Variants in APLP2 observed in about 807,000 individuals in gnomAD.
The protein encoded by APLP2 is amyloid beta precursor like protein 2.
A neutral mutation model predicts 89.9 loss-of-function variants in APLP2; 53 were observed. The observed-to-expected ratio is 0.59, with a 90% CI of 0.47 to 0.74. The LOEUF is 0.74. Ranked by LOEUF, APLP2 falls within the 30% of genes least tolerant of loss-of-function variation. The probability of loss-of-function intolerance (pLI) is 0.00; values close to 1 mark genes in which losing one functional copy is unlikely to be tolerated. For synonymous variants in APLP2, 372 were observed against 348.6 expected, an observed-to-expected ratio of 1.07 and a Z score of -0.75; for missense variants, 973 against 975.9, an observed-to-expected ratio of 1.00 and a Z score of 0.04.
chr11:130,127,100 A>T (rs1238800586), intron 8 of APLP2, among the ~76,000 whole-genome samples: 4 of 151,030 alleles, frequency 2.6e-5, no homozygotes, highest in East Asian at 3.9e-4. Flanking sequence ...CTTGCTTTAA[A>T]ATTTCTTTAT....
chr11:130,121,872 C>CGGCT (rs1949865905), intron 5 of APLP2, 62 bp downstream of exon 5: 1 of 1,565,820 alleles, frequency 6.4e-7, no homozygotes, highest in African/African-American at 1.3e-5. Context: ...TCTGTAAAGA[C>CGGCT]GGCTGTTGGC....
chr11:130,070,611 G>C, intron 1 of APLP2: 6 of 1,417,870 alleles, frequency 4.2e-6, no homozygotes, highest in Non-Finnish European at 5.5e-6. Flanking sequence ...CGCGCGGCAG[G>C]GATGCTGCGA....
intron 1 of APLP2, among the ~76,000 whole-genome samples, chr11:130,082,190 T>G (rs1943265326): frequency 6.6e-6 from 1 of 151,048 alleles, no homozygotes; most frequent in Non-Finnish European, 1.5e-5. Flanking sequence ...TTTTTTTTTT[T>G]GTTTGTTTCT....
chr11:130,077,341 C>T (rs962187585), intron 1 of APLP2, among the ~76,000 whole-genome samples: 3 of 152,084 alleles, frequency 2.0e-5, no homozygotes, highest in African/African-American at 7.2e-5. Context: ...GGAGATATTT[C>T]GCCTAGATAA....
At chr11:130,088,751 T>C (rs1476410200) in intron 1 of APLP2, among the ~76,000 whole-genome samples, 1 of 152,030 alleles carries the variant, frequency 6.6e-6, no homozygotes, top group Non-Finnish European at 1.5e-5. Context: ...TTTTTTCTTT[T>C]GATATTTGTT....
In APLP2 at chr11:130,129,194, T is replaced by G; in HGVS notation, c.1443T>G (p.Ser481=). 1.9e-6 allele frequency: 3 copies of G among 1,611,634 alleles called. No homozygotes were observed. Among genetic ancestry groups the G allele is most frequent in the Non-Finnish European group, 2.5e-6 (3 of 1,178,362 alleles). ...AGAACTACCTGGCTGCCTTGCAGTC[T>G]GACCCGCCACGGGTGAGTCCTGCCC... The part of the protein sequence containing the change: ...ALENYLAALQ[S]DPPRPHRILQ... Residue 481 remains serine (S), a synonymous_variant, in exon 10 of 17, where the codon TCT becomes TCG. Coordinates refer to ENST00000338167, the MANE Select transcript of APLP2 (RefSeq NM_001142276.2).
chr11:130,092,236 G>T (rs1277548356), intron 1 of APLP2, among the ~76,000 whole-genome samples: 1 of 140,070 alleles, frequency 7.1e-6, no homozygotes, highest in East Asian at 2.4e-4. Flanking sequence ...TCACTTTCCA[G>T]ACTGGGCAGC....
At chr11:130,094,047 ATTTTTT>A (rs138605738) in intron 1 of APLP2, among the ~76,000 whole-genome samples, 2 of 76,384 alleles carry the variant, frequency 2.6e-5, no homozygotes, top group Non-Finnish European at 2.6e-5. Context: ...TCCCGGCCGT[ATTTTTT>A]TTTTTTTTTT....
chr11:130,133,867 T>A, intron 12 of APLP2, 139 bp downstream of exon 12: 1 of 633,554 alleles, frequency 1.6e-6, no homozygotes, highest in South Asian at 1.9e-5. Flanking sequence ...TTCAGAAGCC[T>A]GGAGTCCACT....
intron 2 of APLP2, 89 bp downstream of exon 2, chr11:130,109,691 C>G: frequency 7.1e-7 from 1 of 1,409,340 alleles, no homozygotes; most frequent in Non-Finnish European, 9.5e-7. Flanking sequence ...CTGTCATTCT[C>G]TTTTGACCTA....
chr11:130,074,479 G>A (rs1941745490), intron 1 of APLP2, among the ~76,000 whole-genome samples: 1 of 152,180 alleles, frequency 6.6e-6, no homozygotes, highest in Admixed American at 6.5e-5. Context: ...CTTCCAAAGT[G>A]CTGGGATTAC....
At position 130,129,335 on chromosome 11, in the gene APLP2, T is replaced by C. The variant is rs188879472; in HGVS notation, c.1455+129T>C. 1.2e-3 allele frequency: 1,343 copies of C among 1,134,928 alleles called. 3 individuals carry two copies. Among genetic ancestry groups the C allele is most frequent in the Middle Eastern group, 2.2e-3 (7 of 3,236 alleles). 70.3% of individuals were successfully genotyped at this position (1,134,928 alleles called of 1,614,324 possible). ...CAAAGCTGAAGCTAAGGAAAGATGA[T>C]GAGGGAGGAAAAGGTATTACATTCT... On this transcript the variant is annotated intron_variant, in intron 10 of 16. Transcript: ENST00000338167.
In APLP2 at chr11:130,122,414, T is replaced by C; in HGVS notation, c.823T>C (p.Tyr275His). 6.2e-7 allele frequency: 1 copy of C among 1,614,154 alleles called. No homozygotes were observed. Among genetic ancestry groups the C allele is most frequent in the Non-Finnish European group, 8.5e-7 (1 of 1,180,014 alleles). ...EEVVEDRDYY[Y>H]DTFKGDDYNE... is the part of the protein sequence containing the mutation. Reference sequence around the variant, plus strand: ...AGTGGTGGAGGACCGAGATTACTACTATGACACCTTCAAAGGAGATGACTA... The same window carrying C: ...AGTGGTGGAGGACCGAGATTACTACCATGACACCTTCAAAGGAGATGACTA... The change falls in exon 6 of 17, where the codon TAT becomes CAT. Residue 275 changes from tyrosine (Y) to histidine (H), a missense_variant. By Grantham distance (83) the Tyr-to-His change is moderately conservative. Coordinates refer to ENST00000338167, the MANE Select transcript of APLP2 (RefSeq NM_001142276.2).
At chr11:130,070,751 C>A (rs1367724506) in intron 1 of APLP2, 3 of 1,428,910 alleles carry the variant, frequency 2.1e-6, no homozygotes, top group Non-Finnish European at 2.8e-6. Context: ...GCTCTGGGTG[C>A]GTTGACCGCT....
chr11:130,137,153 T>G, intron 13 of APLP2: 1 of 1,055,330 alleles, frequency 9.5e-7, no homozygotes, highest in Non-Finnish European at 1.4e-6. Flanking sequence ...TTGTTCACAT[T>G]ATAGAGAAAT....
chr11:130,128,465 AAC>A (rs1358400886), intron 9 of APLP2, among the ~76,000 whole-genome samples: 3 of 152,240 alleles, frequency 2.0e-5, no homozygotes, highest in African/African-American at 7.2e-5. Flanking sequence ...TAGAAAATCT[AAC>A]AGTTTTAATT....
intron 1 of APLP2, among the ~76,000 whole-genome samples, chr11:130,079,104 T>C (rs1942677723): frequency 6.6e-6 from 1 of 151,920 alleles, no homozygotes; most frequent in Non-Finnish European, 1.5e-5. Context: ...TATTTATTTA[T>C]TTATTTATTT....
Position 130,133,651 on chromosome 11 carries a change from T to G in APLP2, c.1607T>G (p.Ile536Ser). 1 of 1,614,076 alleles carries G rather than the reference T, an allele frequency of 6.2e-7. No individual in the cohort carries two copies. The highest frequency in any genetic ancestry group is 8.5e-7 in the Non-Finnish European group (1 of 1,179,934). Residue 536 changes from isoleucine (I) to serine (S), a missense_variant, in exon 12 of 17, where the codon ATT becomes AGT. By Grantham distance (142) the Ile-to-Ser change is moderately radical. Coordinates refer to ENST00000338167, the MANE Select transcript of APLP2 (RefSeq NM_001142276.2). ...KSQVMTHLHV[I>S]EERRNQSLSL... ...CAGGTGATGACACATCTCCACGTGA[T>G]TGAAGAAAGGAGGAACCAAAGCCTC...
Position 130,143,100 on chromosome 11 carries a change from T to C in APLP2, c.2155-247T>C, listed in dbSNP as rs1314261609. 2.0e-5 allele frequency among the ~76,000 whole-genome samples: 3 copies of C among 152,222 alleles called. No homozygotes were observed. The East Asian group carries it at 5.8e-4, about 29-fold the overall frequency. On this transcript the variant is annotated intron_variant, in intron 16 of 16. Transcript: ENST00000338167. Reference sequence around the variant, plus strand: ...GTCACCACGGTGCTAGGAAATCCAGTTGACTGTCATCTTCCGTGAGGGCTA... The same window carrying C: ...GTCACCACGGTGCTAGGAAATCCAGCTGACTGTCATCTTCCGTGAGGGCTA...
Sources: allele counts gnomAD v4.1 joint callset (sites outside exome capture counted in the v4.1 genomes callset), GRCh38; gene constraint gnomAD v4.1.1; transcripts MANE v1.5; gene names NCBI Gene and HGNC (gene_info 2026-07-23, HGNC 2026-07-21).